The following ABCD2 variants were observed in gnomAD, a reference collection of about 807,000 sequenced individuals.
ABCD2 encodes ATP-binding cassette sub-family D member 2.
In ABCD2, 36 loss-of-function variants were observed where a neutral mutation model predicts 70.9. That is an observed-to-expected ratio of 0.51 (90% CI 0.39 to 0.67). The LOEUF is 0.67. ABCD2 is among the 30% of genes least tolerant of loss of function. The pLI is 0.00. For missense variants in ABCD2, 729 were observed against 890.2 expected, an observed-to-expected ratio of 0.82 and a Z score of 2.30; for synonymous variants, 304 against 306.9, an observed-to-expected ratio of 0.99 and a Z score of 0.10.
In ABCD2 at chr12:39,553,028, T is replaced by A. The variant is rs576573979; in HGVS notation, c.*884A>T. On this transcript the variant is annotated 3_prime_UTR_variant, in exon 10 of 10. Transcript: ENST00000308666. ...GGGATTGTAAATTATAAAGTACTAT[T>A]CCAATGTATGTTATTACTATGATTC... 60 of 152,166 alleles carry A rather than the reference T, an allele frequency of 3.9e-4. No homozygotes were observed. Among genetic ancestry groups the A allele is most frequent in the African/African-American group, 1.4e-3 (60 of 41,574 alleles). 9.4% of individuals were successfully genotyped at this position (152,166 alleles called of 1,614,324 possible). A position where few individuals can be genotyped will look rare whatever the true frequency, so the allele number is the denominator to read the frequency against.
intron 9 of ABCD2, among the ~76,000 whole-genome samples, chr12:39,565,078 G>A (rs1941323709): frequency 1.3e-5 from 2 of 152,148 alleles, no homozygotes; most frequent in Admixed American, 6.5e-5. Context: ...CTCCAGCTTT[G>A]TTCTTTTAGC....
rs1226280100 is a variant in ABCD2, at chr12:39,619,253, A to G, written c.363T>C (p.Ser121=). The change falls in exon 1 of 10, where the codon TCT becomes TCC. Residue 121 remains serine, a synonymous_variant. Transcript: ENST00000308666. ...TTCCATCCAGACCAGCCACATAGAT[A>G]GAAAGAAAGGTTCTTGAGATTAGAG... ...SVALISRTFL[S]IYVAGLDGKI... is the part of the protein sequence containing the mutation. 1 of 1,614,074 alleles carries G rather than the reference A, an allele frequency of 6.2e-7. No individual in the cohort carries two copies. Among genetic ancestry groups the G allele is most frequent in the Non-Finnish European group, 8.5e-7 (1 of 1,180,034 alleles).
intron 9 of ABCD2, among the ~76,000 whole-genome samples, chr12:39,570,989 C>A (rs566766092): frequency 2.2e-4 from 34 of 151,722 alleles, no homozygotes; most frequent in Non-Finnish European, 4.0e-4. Context: ...ACAGGCATAT[C>A]AAAAAATGCT....
chr12:39,596,889 A>C (rs1264738724), intron 6 of ABCD2, among the ~76,000 whole-genome samples: 2 of 152,176 alleles, frequency 1.3e-5, no homozygotes, highest in African/African-American at 4.8e-5. Context: ...TTTGCATATC[A>C]CCAACACACA....
In ABCD2 at chr12:39,553,187, AC is replaced by A. The variant is rs916001991; in HGVS notation, c.*724del. 2 of 152,004 alleles carry A rather than the reference AC, an allele frequency of 1.3e-5. No individual in the cohort carries two copies. The highest frequency in any genetic ancestry group is 2.9e-5 in the Non-Finnish European group (2 of 67,902). The allele number at this position is 152,004 out of a possible 1,614,324, so 9.4% of individuals were successfully genotyped here. On this transcript the variant is annotated 3_prime_UTR_variant, in exon 10 of 10. Coordinates refer to ENST00000308666, the MANE Select transcript of ABCD2 (RefSeq NM_005164.4). ...CTGCTAAGGAAATTATCAGGTTGAG[AC>A]ATTGTTTGGATACTCCTTTTCTGTA...
intron 9 of ABCD2, among the ~76,000 whole-genome samples, chr12:39,556,672 C>G (rs1941170982): frequency 6.6e-6 from 1 of 152,078 alleles, no homozygotes; most frequent in African/African-American, 2.4e-5. Flanking sequence ...TAAATTGGTA[C>G]TGGTAGATGG....
At chr12:39,542,405 G>A in the ABCD2 span, among the ~76,000 whole-genome samples, 1 of 151,538 alleles carries the variant, frequency 6.6e-6, no homozygotes, top group East Asian at 1.9e-4. Context: ...GGAGGTTGCA[G>A]TGAGCTGAGA....
chr12:39,579,769 C>A (rs556750306), intron 7 of ABCD2, 150 bp from the exon 8 acceptor site: 19 of 560,174 alleles, frequency 3.4e-5, no homozygotes, highest in African/African-American at 2.6e-4. Context: ...AACTACAGAG[C>A]CTCATGTATA....
chr12:39,579,877 T>G (rs974706195), intron 7 of ABCD2, among the ~76,000 whole-genome samples: 11 of 152,146 alleles, frequency 7.2e-5, no homozygotes, highest in Admixed American at 7.2e-4. Flanking sequence ...CTTTAAAAAC[T>G]GTGTTTGTTT....
chr12:39,589,218 G>A lies in ABCD2; in HGVS notation c.1647-2921C>T, dbSNP rs865930368. On this transcript the variant is annotated intron_variant, in intron 6 of 9. Coordinates refer to ENST00000308666, the MANE Select transcript of ABCD2 (RefSeq NM_005164.4). The stretch of plus-strand genomic sequence containing the variant: ...ATGAATTATCTACCTATTTTCCCAT[G>A]GTACACAAGCCATTAGGTTGAAGGA... Among the ~76,000 whole-genome samples the A allele has an allele frequency of 1.4e-4, 22 of 151,998 alleles. No individual in the cohort carries two copies. The South Asian group carries it at 2.3e-3, about 16-fold the overall frequency.
intron 7 of ABCD2, among the ~76,000 whole-genome samples, chr12:39,582,464 T>A (rs1818350545): frequency 6.6e-6 from 1 of 152,226 alleles, no homozygotes; most frequent in African/African-American, 2.4e-5. Flanking sequence ...CATTTTTAAG[T>A]TTGGAAAATT....
chr12:39,569,917 A>T lies in ABCD2; in HGVS notation c.2003+3799T>A, dbSNP rs553545086. 2.6e-4 allele frequency among the ~76,000 whole-genome samples: 39 copies of T among 152,290 alleles called. No individual in the cohort carries two copies. The South Asian group carries it at 7.9e-3, about 31-fold the overall frequency. On this transcript the variant is annotated intron_variant, in intron 9 of 9. Coordinates refer to ENST00000308666, the MANE Select transcript of ABCD2 (RefSeq NM_005164.4). Reference sequence around the variant, plus strand: ...CAAGATACAAAATCAGTATGTAAAAATCAGTAGCATTTCTCTACACTGACA... The same window carrying T: ...CAAGATACAAAATCAGTATGTAAAATTCAGTAGCATTTCTCTACACTGACA...
rs1442133272 is a variant in ABCD2, at chr12:39,550,648, A to C, written c.*3264T>G. On this transcript the variant is annotated 3_prime_UTR_variant, in exon 10 of 10. Transcript: ENST00000308666. ...CAAAACATATTCAACCCCAAAACAT[A>C]TTCAACATATCTAAATGTATATAAT... 6.6e-6 allele frequency: 1 copy of C among 151,808 alleles called. No individual in the cohort carries two copies. The highest frequency in any genetic ancestry group is 1.5e-5 in the Non-Finnish European group (1 of 67,724). The allele number at this position is 151,808 out of a possible 1,614,324, so 9.4% of individuals were successfully genotyped here.
intron 2 of ABCD2, among the ~76,000 whole-genome samples, chr12:39,614,092 G>A (rs919656584): frequency 6.6e-6 from 1 of 152,070 alleles, no homozygotes; most frequent in Non-Finnish European, 1.5e-5. Flanking sequence ...CTTATTTAAT[G>A]CTTGTAACAA....
At chr12:39,591,440 A>C (rs1221745103) in intron 6 of ABCD2, among the ~76,000 whole-genome samples, 1 of 152,158 alleles carries the variant, frequency 6.6e-6, no homozygotes, top group East Asian at 1.9e-4. Flanking sequence ...GGCCAGGTGC[A>C]GTGGCTCGCA....
chr12:39,579,682 C>A, intron 7 of ABCD2, 63 bp from the exon 8 acceptor site: 1 of 1,286,264 alleles, frequency 7.8e-7, no homozygotes, highest in Non-Finnish European at 1.1e-6. Context: ...CTATTTCTAC[C>A]CTAGACAAGT....
chr12:39,604,524 T>C (rs144738468), intron 4 of ABCD2, among the ~76,000 whole-genome samples: 37 of 152,188 alleles, frequency 2.4e-4, no homozygotes, highest in Middle Eastern at 3.4e-3. Context: ...TATGTGCAGT[T>C]TCCAAAAATA....
chr12:39,600,490 A>C, intron 6 of ABCD2, 81 bp downstream of exon 6: 1 of 1,300,320 alleles, frequency 7.7e-7, no homozygotes, highest in Admixed American at 2.4e-5. Flanking sequence ...TTAAAGATAT[A>C]TAAACTGAGG....
At chr12:39,574,402 G>C (rs543743684) in intron 8 of ABCD2, among the ~76,000 whole-genome samples, 115 of 152,154 alleles carry the variant, frequency 7.6e-4, no homozygotes, top group African/African-American at 2.7e-3. Context: ...CCATACTCCA[G>C]AATCAAATTC....
Sources: allele counts gnomAD v4.1 joint callset (sites outside exome capture counted in the v4.1 genomes callset), GRCh38; gene constraint gnomAD v4.1.1; transcripts MANE v1.5; gene names NCBI Gene and HGNC (gene_info 2026-07-23, HGNC 2026-07-21).